GPR174: variants seen among roughly 807,000 people sequenced by gnomAD.
GPR174 encodes the protein probable G protein-coupled receptor 174.
A neutral mutation model predicts 16.5 loss-of-function variants in GPR174; 8 were observed. The observed-to-expected ratio is 0.48, with a 90% CI of 0.28 to 0.87. The LOEUF (loss-of-function observed/expected upper bound fraction) is 0.87, where lower values mean the gene tolerates loss of function less well. GPR174 is among the 40% of genes least tolerant of loss of function. The pLI, the probability that GPR174 is intolerant of heterozygous loss-of-function variation, is 0.09. For missense variants in GPR174, 214 were observed against 247.5 expected (o/e 0.86, Z 0.91); for synonymous variants, 111 against 94.8 (o/e 1.17, Z -0.99).
chrX:79,158,514 G>T (rs192062741), intron 2 of GPR174, among the ~76,000 whole-genome samples: 44 of 101,554 alleles, frequency 4.3e-4, no homozygotes, highest in African/African-American at 1.5e-3. Flanking sequence ...CGCAATCTCG[G>T]CTCACTGCAA....
At chrX:79,156,010 A>T (rs951884051) in intron 1 of GPR174, among the ~76,000 whole-genome samples, 2 of 112,092 alleles carry the variant, frequency 1.8e-5, no homozygotes, top group African/African-American at 6.5e-5. Flanking sequence ...AGTAAAATGT[A>T]TTCTTTGTAT....
At chrX:79,162,308 A>C (rs1185299127) in intron 2 of GPR174, among the ~76,000 whole-genome samples, 1 of 111,388 alleles carries the variant, frequency 9.0e-6, no homozygotes, top group Non-Finnish European at 1.9e-5. Flanking sequence ...ATCCATTGGC[A>C]GGTGACCAGT....
Position 79,171,270 on chromosome X carries a change from C to A in GPR174, c.263C>A (p.Pro88His), listed in dbSNP as rs147721174. Residue 88 changes from proline (P) to histidine (H), a missense_variant, in exon 3 of 3, where the codon CCT (proline) becomes CAT (histidine). Coordinates refer to ENST00000645147, the MANE Select transcript of GPR174 (RefSeq NM_032553.3). ...TTGAATCATGACTGGCCATTTGGGC[C>A]TGGTCTCTGCATGTTCTGTTTCTAC... ...YYLNHDWPFGPGLCMFCFYLK... is the reference protein window; with the variant it reads ...YYLNHDWPFGHGLCMFCFYLK... 2.8e-3 allele frequency: 3,439 copies of A among 1,209,893 alleles called. 8 individuals are homozygous for A. Among genetic ancestry groups the A allele is most frequent in the Middle Eastern group, 6.2e-3 (27 of 4,349 alleles).
At chrX:79,151,910 T>C (rs977417513) in intron 1 of GPR174, among the ~76,000 whole-genome samples, 2 of 111,755 alleles carry the variant, frequency 1.8e-5, no homozygotes, top group African/African-American at 6.5e-5. Context: ...ATGGAACTTT[T>C]TGCCTTAAAC....
At chrX:79,145,316 C>G (rs1926478132) in intron 1 of GPR174, 99 bp downstream of exon 1, 2 of 111,007 alleles carry the variant, frequency 1.8e-5, no homozygotes, top group African/African-American at 6.6e-5. Flanking sequence ...TACAACTTGT[C>G]AAGTCTAAGC....
intron 2 of GPR174, among the ~76,000 whole-genome samples, chrX:79,160,993 C>G (rs974030161): frequency 2.7e-5 from 3 of 111,714 alleles, no homozygotes; most frequent in African/African-American, 6.5e-5. Context: ...GTCTAAATTA[C>G]AGATAAATAG....
intron 1 of GPR174, among the ~76,000 whole-genome samples, chrX:79,147,265 C>A (rs1339516095): frequency 9.0e-6 from 1 of 110,658 alleles, no homozygotes; most frequent in African/African-American, 3.3e-5. Flanking sequence ...TCTCTTCATA[C>A]CTTGTCCAGT....
chrX:79,147,192 A>G (rs954105356), intron 1 of GPR174, among the ~76,000 whole-genome samples: 1 of 111,255 alleles, frequency 9.0e-6, no homozygotes, highest in Non-Finnish European at 1.9e-5. Flanking sequence ...AGACTCGTAG[A>G]GGTGAAGTGA....
At chrX:79,154,384 C>T (rs1206884219) in intron 1 of GPR174, among the ~76,000 whole-genome samples, 2 of 111,739 alleles carry the variant, frequency 1.8e-5, no homozygotes, top group Non-Finnish European at 3.8e-5. Context: ...CTTATCACAT[C>T]GCAATAGTTT....
intron 1 of GPR174, among the ~76,000 whole-genome samples, chrX:79,148,498 G>C (rs1337580448): frequency 9.0e-6 from 1 of 111,457 alleles, no homozygotes; most frequent in Non-Finnish European, 1.9e-5. Flanking sequence ...CTAATCACAT[G>C]TTACCAGATA....
Position 79,172,006 on chromosome X carries a change from C to A in GPR174, c.999C>A (p.Cys333Ter). ...HTASTMTPEL[C>*] Reference sequence around the variant, plus strand: ...CTTCCACCATGACACCTGAATTATGCTAAAACAAAAAACCAAACTGAATGT... The same window carrying A: ...CTTCCACCATGACACCTGAATTATGATAAAACAAAAAACCAAACTGAATGT... The change falls in exon 3 of 3, where the codon TGC becomes TGA. Residue 333 changes from cysteine (C) to a stop codon, truncating the protein, a stop_gained. Transcript: ENST00000645147. LOFTEE classifies it high-confidence loss of function. 8.5e-7 allele frequency: 1 copy of A among 1,178,705 alleles called. No individual in the cohort carries two copies. Among genetic ancestry groups the A allele is most frequent in the Non-Finnish European group, 1.1e-6 (1 of 879,860 alleles).
rs1569277442 is a variant in GPR174, at chrX:79,144,966, C to CTTTT, written c.-904_-903insTTTT. 1 of 91,817 alleles carries CTTTT rather than the reference C, an allele frequency of 1.1e-5. No individual in the cohort carries two copies. The highest frequency in any genetic ancestry group is 2.2e-5 in the Non-Finnish European group (1 of 46,291). 7.6% of individuals were successfully genotyped at this position (91,817 alleles called of 1,213,427 possible). ...TTTCTTTCTTTTTCTTTCTTTCTTTCTCTTTCTTTCTTTTTCTTTCTTTCT... is the reference window on the plus strand; with the variant it reads ...TTTCTTTCTTTTTCTTTCTTTCTTTCTTTTTCTTTCTTTCTTTTTCTTTCTTTCT... On this transcript the variant is annotated 5_prime_UTR_variant, in exon 1 of 3. Transcript: ENST00000645147.
intron 2 of GPR174, among the ~76,000 whole-genome samples, chrX:79,162,133 A>G (rs898335865): frequency 8.9e-6 from 1 of 111,957 alleles, no homozygotes; most frequent in Non-Finnish European, 1.9e-5. Context: ...ACATGAAGCT[A>G]GAGGGGTCAT....
intron 1 of GPR174, among the ~76,000 whole-genome samples, chrX:79,152,335 GC>G (rs1926618074): frequency 9.3e-6 from 1 of 107,309 alleles, no homozygotes; most frequent in Non-Finnish European, 2.0e-5. Flanking sequence ...TTGTGAGTAA[GC>G]TTTTTCCTTA....
At chrX:79,156,183 G>A (rs936863124) in intron 1 of GPR174, among the ~76,000 whole-genome samples, 1 of 111,986 alleles carries the variant, frequency 8.9e-6, no homozygotes, top group African/African-American at 3.3e-5. Flanking sequence ...TTCTGGCAAG[G>A]TGACAAGCTT....
intron 2 of GPR174, among the ~76,000 whole-genome samples, chrX:79,158,707 G>T (rs1180182134): frequency 9.4e-6 from 1 of 106,299 alleles, no homozygotes; most frequent in African/African-American, 3.4e-5. Context: ...CTGCCCAAGT[G>T]CTGGGATTAC....
At chrX:79,155,071 T>C (rs978675095) in intron 1 of GPR174, among the ~76,000 whole-genome samples, 2 of 111,979 alleles carry the variant, frequency 1.8e-5, no homozygotes, top group African/African-American at 6.5e-5. Flanking sequence ...TTCAATAAAA[T>C]CTGCTTCTAG....
At chrX:79,160,440 T>G in intron 2 of GPR174, among the ~76,000 whole-genome samples, 1 of 112,009 alleles carries the variant, frequency 8.9e-6, no homozygotes, top group Non-Finnish European at 1.9e-5. Context: ...TTTAATAAAT[T>G]TATTATTTAA....
At chrX:79,147,750 C>T (rs1380069961) in intron 1 of GPR174, among the ~76,000 whole-genome samples, 1 of 110,767 alleles carries the variant, frequency 9.0e-6, no homozygotes, top group Non-Finnish European at 1.9e-5. Context: ...GGTTGATCAA[C>T]TAAGGTGAGA....
Sources: gnomAD v4.1 joint callset for allele counts (sites outside exome capture counted in the v4.1 genomes callset) on GRCh38, gnomAD v4.1.1 for gene constraint, MANE v1.5 for transcripts, NCBI Gene and HGNC (gene_info 2026-07-23, HGNC 2026-07-21) for gene names.